LMBR1: variants seen among roughly 807,000 people sequenced by gnomAD.
LMBR1 encodes the protein limb region 1 protein homolog.
Under a neutral mutation model 73.9 loss-of-function variants are expected in LMBR1, and 52 were observed. The observed-to-expected ratio is 0.70, with a 90% CI of 0.56 to 0.89. The LOEUF (loss-of-function observed/expected upper bound fraction) is 0.89. Ranked by LOEUF, LMBR1 falls within the 40% of genes least tolerant of loss-of-function variation. The pLI, the probability that LMBR1 is intolerant of heterozygous loss-of-function variation, is 0.00. For synonymous variants in LMBR1, 215 were observed against 209.4 expected, an observed-to-expected ratio of 1.03 and a Z score of -0.23; for missense variants, 539 against 579.8, an observed-to-expected ratio of 0.93 and a Z score of 0.72.
intron 1 of LMBR1, among the ~76,000 whole-genome samples, chr7:156,877,741 G>C (rs1404998576): frequency 6.6e-6 from 1 of 152,046 alleles, no homozygotes; most frequent in Non-Finnish European, 1.5e-5. Flanking sequence ...AAATTAGCTG[G>C]GCGCGGTGGC....
intron 15 of LMBR1, among the ~76,000 whole-genome samples, chr7:156,703,678 G>T (rs1372886158): frequency 2.0e-5 from 3 of 152,102 alleles, no homozygotes; most frequent in East Asian, 1.9e-4. Context: ...TTTCCCAGGG[G>T]CTTGGGGGCT....
chr7:156,725,593 A>C, intron 13 of LMBR1, 68 bp from the exon 14 acceptor site: 1 of 1,326,706 alleles, frequency 7.5e-7, no homozygotes. Flanking sequence ...CAGTCTCCAA[A>C]AAGTCTTAAG....
intron 3 of LMBR1, among the ~76,000 whole-genome samples, chr7:156,828,754 T>C (rs1355636812): frequency 6.6e-6 from 1 of 152,264 alleles, no homozygotes; most frequent in Non-Finnish European, 1.5e-5. Flanking sequence ...CCTTGATTTA[T>C]GAGTCTCTCA....
intron 2 of LMBR1, chr7:156,834,640 T>A (rs751420314): frequency 4.9e-6 from 1 of 202,606 alleles, no homozygotes; most frequent in Non-Finnish European, 9.6e-6. Context: ...GAAATAAAAA[T>A]TATATATAAT....
intron 15 of LMBR1, among the ~76,000 whole-genome samples, 172 bp from the exon 16 acceptor site, chr7:156,688,363 C>T (rs1806405332): frequency 6.6e-6 from 1 of 152,000 alleles, no homozygotes; most frequent in African/African-American, 2.4e-5. Flanking sequence ...TCTAGTGGGA[C>T]AGCCTCAAGC....
intron 9 of LMBR1, among the ~76,000 whole-genome samples, chr7:156,752,089 AT>A (rs1490181979): frequency 6.6e-6 from 1 of 152,246 alleles, no homozygotes; most frequent in Admixed American, 6.5e-5. Context: ...AGCCCGTTAA[AT>A]AAAAGGAACA....
intron 15 of LMBR1, among the ~76,000 whole-genome samples, chr7:156,689,219 G>A (rs1046316473): frequency 9.9e-5 from 15 of 152,176 alleles, no homozygotes; most frequent in Admixed American, 6.5e-4. Flanking sequence ...TGTCGGTCAA[G>A]AGACAGATAA....
chr7:156,860,928 T>G (rs560806781), intron 1 of LMBR1, among the ~76,000 whole-genome samples: 1 of 152,268 alleles, frequency 6.6e-6, no homozygotes, highest in Non-Finnish European at 1.5e-5. Context: ...GCCTTCTGTC[T>G]GCTTTCACCA....
At chr7:156,836,730 G>T (rs532644829) in intron 2 of LMBR1, 83 bp downstream of exon 2, 1 of 823,916 alleles carries the variant, frequency 1.2e-6, no homozygotes. Flanking sequence ...CTATGACACT[G>T]AAGTGTACTA....
At chr7:156,728,088 G>A (rs898382667) in intron 11 of LMBR1, 81 bp from the exon 12 acceptor site, 22 of 1,078,882 alleles carry the variant, frequency 2.0e-5, no homozygotes, top group Middle Eastern at 4.0e-4. Context: ...CCAAATACAC[G>A]TTTCAGAATA....
intron 13 of LMBR1, 77 bp downstream of exon 13, chr7:156,725,687 T>C: frequency 7.3e-7 from 1 of 1,366,490 alleles, no homozygotes; most frequent in Non-Finnish European, 1.0e-6. Flanking sequence ...ACAAGTGTCT[T>C]AGTAAATAAC....
chr7:156,795,037 G>A (rs750233978), intron 5 of LMBR1, among the ~76,000 whole-genome samples: 2 of 152,102 alleles, frequency 1.3e-5, no homozygotes, highest in Admixed American at 6.5e-5. Context: ...TCCAGAATTC[G>A]ACCCTGGCAA....
intron 9 of LMBR1, among the ~76,000 whole-genome samples, chr7:156,742,590 T>C (rs1026616664): frequency 1.3e-5 from 2 of 152,026 alleles, no homozygotes; most frequent in Admixed American, 6.6e-5. Context: ...AACAGACCAT[T>C]AATAAGTAAC....
chr7:156,869,129 T>C (rs2134287239), intron 1 of LMBR1, among the ~76,000 whole-genome samples: 1 of 152,326 alleles, frequency 6.6e-6, no homozygotes, highest in African/African-American at 2.4e-5. Context: ...CTAAGGGCTT[T>C]CAAAGATAAA....
At chr7:156,759,438 T>C (rs1164208328) in intron 8 of LMBR1, among the ~76,000 whole-genome samples, 1 of 152,216 alleles carries the variant, frequency 6.6e-6, no homozygotes, top group African/African-American at 2.4e-5. Context: ...AGATCTCTGA[T>C]CTTGTACAAG....
chr7:156,713,959 T>C (rs1490932363), intron 15 of LMBR1, among the ~76,000 whole-genome samples: 1 of 152,248 alleles, frequency 6.6e-6, no homozygotes, highest in East Asian at 1.9e-4. Context: ...TATTCCTACA[T>C]TGTACTGTGC....
Position 156,683,743 on chromosome 7 carries a change from CT to C in LMBR1, c.*334del. ...AATCTTTAGAAGTCCCGGAGTTTGC[CT>C]TTTCTAACATTTTCATATCAGGTGA... On this transcript the variant is annotated 3_prime_UTR_variant, in exon 17 of 17. Transcript: ENST00000353442. 5.0e-6 allele frequency: 1 copy of C among 200,710 alleles called. No individual in the cohort carries two copies. Among genetic ancestry groups the C allele is most frequent in the Non-Finnish European group, 1.0e-5 (1 of 100,416 alleles). 12.4% of individuals were successfully genotyped at this position (200,710 alleles called of 1,614,324 possible). A position where few individuals can be genotyped will look rare whatever the true frequency, so the allele number is the denominator to read the frequency against.
chr7:156,844,864 G>GAC (rs1839349489), intron 1 of LMBR1, among the ~76,000 whole-genome samples: 1 of 152,116 alleles, frequency 6.6e-6, no homozygotes. Flanking sequence ...CTTGAGAGGT[G>GAC]ACACAGTCAT....
chr7:156,786,317 A>G (rs1193226204), intron 5 of LMBR1, among the ~76,000 whole-genome samples: 1 of 152,146 alleles, frequency 6.6e-6, no homozygotes, highest in Admixed American at 6.5e-5. Flanking sequence ...GAAAAAGGTT[A>G]GCAGTGATTC....
Sources: gnomAD v4.1 joint callset for allele counts (sites outside exome capture counted in the v4.1 genomes callset) on GRCh38, gnomAD v4.1.1 for gene constraint, MANE v1.5 for transcripts, NCBI Gene and HGNC (gene_info 2026-07-23, HGNC 2026-07-21) for gene names.